ELMO1: variants seen among roughly 807,000 people sequenced by gnomAD.
ELMO1 encodes the protein engulfment and cell motility 1.
A neutral mutation model predicts 98.9 loss-of-function variants in ELMO1; 26 were observed. That is an observed-to-expected ratio of 0.26 (90% CI 0.19 to 0.36). The LOEUF is 0.36. ELMO1 is among the 10% of genes least tolerant of loss of function. The pLI is 1.00. For synonymous variants in ELMO1, 346 were observed against 346.0 expected (o/e 1.00, Z 0.00); for missense variants, 627 against 935.2 (o/e 0.67, Z 4.30).
Position 37,416,976 on chromosome 7 carries a change from A to G in ELMO1, c.-74+31699T>C, listed in dbSNP as rs1334178873. ...CTCCACAAACCTAGCTTATGAAATC[A>G]AATGACTGCAAGCAACTAGCTGTAA... On this transcript the variant is annotated intron_variant, in intron 1 of 21. Transcript: ENST00000310758. Among the ~76,000 whole-genome samples the G allele has an allele frequency of 3.9e-5, 6 of 152,246 alleles. No individual in the cohort carries two copies. In the East Asian group the frequency reaches 1.2e-3, roughly 29 times the overall value.
chr7:37,018,625 C>T (rs1190086106), intron 15 of ELMO1, among the ~76,000 whole-genome samples: 2 of 151,894 alleles, frequency 1.3e-5, no homozygotes, highest in African/African-American at 2.4e-5. Flanking sequence ...TACAGGTGCA[C>T]GACACCACGC....
chr7:37,195,083 G>A (rs535385240), intron 13 of ELMO1, among the ~76,000 whole-genome samples: 1 of 152,314 alleles, frequency 6.6e-6, no homozygotes. Context: ...TGAAACGGGG[G>A]TAGGACCTGG....
chr7:37,269,875 T>C (rs1796467088), intron 5 of ELMO1: 1 of 152,174 alleles, frequency 6.6e-6, no homozygotes, highest in South Asian at 2.1e-4. Context: ...CTAAGTTTCT[T>C]TTGGGATGCT....
chr7:37,223,312 G>C (rs925142093), intron 9 of ELMO1, among the ~76,000 whole-genome samples: 1 of 152,170 alleles, frequency 6.6e-6, no homozygotes, highest in Non-Finnish European at 1.5e-5. Context: ...CATAAACAAA[G>C]AGTGACTTAT....
intron 7 of ELMO1, among the ~76,000 whole-genome samples, chr7:37,233,893 C>T (rs867095104): frequency 6.6e-6 from 1 of 152,138 alleles, no homozygotes. Flanking sequence ...GACCAAAAGA[C>T]TTGCTGAGAT....
Position 36,870,636 on chromosome 7 carries a change from T to C in ELMO1, c.1823-161A>G, listed in dbSNP as rs1171376898. On this transcript the variant is annotated intron_variant, in intron 19 of 21. Coordinates refer to ENST00000310758, the MANE Select transcript of ELMO1 (RefSeq NM_014800.11). This position sits in a 1 kb window ranked among gnomAD's most constrained non-coding sequence, Gnocchi z 4.4. ...AAAGAGGAAGAGAAGCCAGGTAGTG[T>C]CCCAGGATTAGAAACTAAAATATAT... 6.6e-6 allele frequency among the ~76,000 whole-genome samples: 1 copy of C among 152,130 alleles called. No individual in the cohort carries two copies. The highest frequency in any genetic ancestry group is 1.5e-5 in the Non-Finnish European group (1 of 68,034).
intron 15 of ELMO1, among the ~76,000 whole-genome samples, chr7:37,086,014 G>C (rs988641327): frequency 6.6e-6 from 1 of 152,216 alleles, no homozygotes; most frequent in Non-Finnish European, 1.5e-5. Flanking sequence ...CAGCAACACC[G>C]TTGACCTGCT....
intron 13 of ELMO1, among the ~76,000 whole-genome samples, chr7:37,140,157 C>T (rs552601374): frequency 2.7e-5 from 4 of 150,846 alleles, no homozygotes; most frequent in African/African-American, 7.3e-5. Context: ...GGGCAGATCA[C>T]GAGGTCAGGA....
chr7:37,219,551 T>A (rs1413834770), intron 10 of ELMO1, among the ~76,000 whole-genome samples: 1 of 152,226 alleles, frequency 6.6e-6, no homozygotes, highest in Non-Finnish European at 1.5e-5. Flanking sequence ...TAGATTATAT[T>A]TCAATCTAAT....
chr7:37,192,853 TTA>T (rs1417392236), intron 13 of ELMO1, among the ~76,000 whole-genome samples: 1 of 146,762 alleles, frequency 6.8e-6, no homozygotes, highest in Non-Finnish European at 1.5e-5. Flanking sequence ...ACATATATAT[TTA>T]TATATAGATA....
chr7:37,211,605 G>T (rs1792978721), intron 12 of ELMO1, 88 bp from the exon 13 acceptor site: 19 of 1,504,202 alleles, frequency 1.3e-5, no homozygotes, highest in Non-Finnish European at 1.7e-5. Context: ...TTTCCCTGGG[G>T]TCTAAATGAA....
chr7:37,439,780 T>C (rs1805315913), intron 1 of ELMO1, among the ~76,000 whole-genome samples: 1 of 152,334 alleles, frequency 6.6e-6, no homozygotes, highest in East Asian at 1.9e-4. Flanking sequence ...AGAAAGTAGT[T>C]CTAATGAGTC....
intron 12 of ELMO1, 102 bp from the exon 13 acceptor site, chr7:37,211,619 C>T (rs532149495): frequency 2.1e-6 from 3 of 1,439,850 alleles, no homozygotes; most frequent in African/African-American, 2.9e-5. Flanking sequence ...AAATGAATCA[C>T]TGCATTCAGG....
chr7:37,104,742 C>A (rs1784846312), intron 14 of ELMO1, among the ~76,000 whole-genome samples: 1 of 151,754 alleles, frequency 6.6e-6, no homozygotes, highest in Admixed American at 6.6e-5. Context: ...TAACTGACGA[C>A]CAGGGAAAAG....
chr7:37,408,348 A>G (rs1031883158), intron 1 of ELMO1, among the ~76,000 whole-genome samples: 3 of 152,238 alleles, frequency 2.0e-5, no homozygotes, highest in African/African-American at 2.4e-5. Flanking sequence ...TGGAAAAAAG[A>G]TGACAAAGAA....
At chr7:37,161,905 AATATATATATATATATATATATAT>A (rs6150082) in intron 13 of ELMO1, among the ~76,000 whole-genome samples, 2 of 42,380 alleles carry the variant, frequency 4.7e-5, no homozygotes, top group Non-Finnish European at 1.0e-4. Flanking sequence ...CAGGTAATCA[AATATATATATATATATATATATAT>A]ATATATGTTA....
At chr7:36,935,635 A>G (rs1440956590) in intron 16 of ELMO1, among the ~76,000 whole-genome samples, 1 of 152,166 alleles carries the variant, frequency 6.6e-6, no homozygotes, top group Admixed American at 6.5e-5. Context: ...TCAACACTCA[A>G]TGACACCACA....
chr7:37,171,487 T>TTC (rs1790157639), intron 13 of ELMO1, among the ~76,000 whole-genome samples: 1 of 113,288 alleles, frequency 8.8e-6, no homozygotes, highest in East Asian at 2.5e-4. Flanking sequence ...CTTTCTATTT[T>TTC]TTTTTTTTTT....
At chr7:37,204,037 C>T (rs1217233827) in intron 13 of ELMO1, 2 of 450,914 alleles carry the variant, frequency 4.4e-6, no homozygotes, top group African/African-American at 4.0e-5. Context: ...AACAGGTGCC[C>T]AGTATTTAGC....
Sources: allele counts gnomAD v4.1 joint callset (sites outside exome capture counted in the v4.1 genomes callset), GRCh38; gene constraint gnomAD v4.1.1; non-coding constraint Gnocchi (gnomAD v3.1); transcripts MANE v1.5; gene names NCBI Gene and HGNC (gene_info 2026-07-23, HGNC 2026-07-21).